WDTC1: variants seen among roughly 807,000 people sequenced by gnomAD.
The protein encoded by WDTC1 is WD and tetratricopeptide repeats protein 1.
In WDTC1, 12 loss-of-function variants were observed where a neutral mutation model predicts 76.0. The observed-to-expected ratio is 0.16, with a 90% confidence interval of 0.10 to 0.26. The LOEUF is 0.26. Ranked by LOEUF, WDTC1 falls within the 10% of genes least tolerant of loss-of-function variation. WDTC1 has a pLI of 1.00. For synonymous variants in WDTC1, 326 were observed against 350.8 expected, an observed-to-expected ratio of 0.93 and a Z score of 0.79; for missense variants, 511 against 908.8, an observed-to-expected ratio of 0.56 and a Z score of 5.63.
chr1:27,248,626 A>G (rs1316671058), intron 1 of WDTC1, among the ~76,000 whole-genome samples: 4 of 152,044 alleles, frequency 2.6e-5, no homozygotes, highest in African/African-American at 4.8e-5. Flanking sequence ...TAAAATGATT[A>G]GTTTCATCTT....
At chr1:27,297,348 G>A (rs1250714721) in intron 11 of WDTC1, among the ~76,000 whole-genome samples, 192 bp downstream of exon 11, 3 of 152,228 alleles carry the variant, frequency 2.0e-5, no homozygotes, top group African/African-American at 4.8e-5. Context: ...CAGAACACTA[G>A]TCATGGTCAG....
intron 4 of WDTC1, 30 bp downstream of exon 4, chr1:27,282,315 G>A (rs2013211133): frequency 6.2e-7 from 1 of 1,611,654 alleles, no homozygotes; most frequent in African/African-American, 1.3e-5. Context: ...CCTGAAGGGT[G>A]CTGGGGAAGG....
intron 6 of WDTC1, among the ~76,000 whole-genome samples, chr1:27,288,449 T>G (rs896192035): frequency 5.3e-4 from 81 of 152,154 alleles, no homozygotes; most frequent in Middle Eastern, 3.4e-3. Context: ...GTCAGCAGAT[T>G]AACAAGTGAA....
At chr1:27,277,650 A>G (rs74735032) in intron 3 of WDTC1, among the ~76,000 whole-genome samples, 5,372 of 152,252 alleles carry the variant, frequency 0.035, 136 homozygotes, top group Middle Eastern at 0.051. Flanking sequence ...GGATGTATTT[A>G]TGAACTCTCA....
At chr1:27,295,349 G>A (rs2013654540) in intron 9 of WDTC1, among the ~76,000 whole-genome samples, 1 of 152,212 alleles carries the variant, frequency 6.6e-6, no homozygotes, top group African/African-American at 2.4e-5. Flanking sequence ...AGACATTCCT[G>A]GACCTGTCCA....
At chr1:27,246,200 T>G (rs1266050715) in intron 1 of WDTC1, among the ~76,000 whole-genome samples, 1 of 152,240 alleles carries the variant, frequency 6.6e-6, no homozygotes, top group African/African-American at 2.4e-5. Context: ...CAAAACATTT[T>G]CATCACCTAA....
chr1:27,303,961 T>C lies in WDTC1; in HGVS notation c.1643+166T>C, dbSNP rs1570990956. On this transcript the variant is annotated intron_variant, in intron 14 of 15. Coordinates refer to ENST00000319394, the MANE Select transcript of WDTC1 (RefSeq NM_001276252.2). The surrounding 1 kb of genome is among the most constrained non-coding windows in gnomAD (Gnocchi z 4.8). Reference sequence around the variant, plus strand: ...TCAGCCTCTAAAGTTTTTTAATCTATGAAATGACCAACCTGCCATGCCCAT... The same window carrying C: ...TCAGCCTCTAAAGTTTTTTAATCTACGAAATGACCAACCTGCCATGCCCAT... The C allele has an allele frequency of 6.8e-6, 6 of 884,470 alleles. No homozygotes were observed. The highest frequency in any genetic ancestry group is 8.5e-6 in the Non-Finnish European group (5 of 590,098). 54.8% of individuals were successfully genotyped at this position (884,470 alleles called of 1,614,324 possible).
Position 27,303,539 on chromosome 1 carries a change from GA to G in WDTC1, c.1469-78del. The G allele has an allele frequency of 6.7e-7, 1 of 1,487,860 alleles. No individual in the cohort carries two copies. Among genetic ancestry groups the G allele is most frequent in the Non-Finnish European group, 8.9e-7 (1 of 1,121,622 alleles). The allele number at this position is 1,487,860 out of a possible 1,614,324, so 92.2% of individuals were successfully genotyped here. A position where few individuals can be genotyped will look rare whatever the true frequency, so the allele number is the denominator to read the frequency against. ...GCTCTATGTTGTCAGACTTTGGACT[GA>G]AAACAGAGCCATAGGTGGGGGAAAA... On this transcript the variant is annotated intron_variant, in intron 13 of 15. Transcript: ENST00000319394. The surrounding 1 kb of genome is among the most constrained non-coding windows in gnomAD (Gnocchi z 4.8).
chr1:27,251,931 C>G (rs2012079213), intron 1 of WDTC1, among the ~76,000 whole-genome samples: 1 of 151,982 alleles, frequency 6.6e-6, no homozygotes, highest in Non-Finnish European at 1.5e-5. Flanking sequence ...ATCTGTAATC[C>G]CAGCTACTTG....
chr1:27,282,297 C>G lies in WDTC1; in HGVS notation c.179+12C>G. ...AATGAGAAAGGAGAGTAAGTATGAGCTAGAGCACCTGAAGGGTGCTGGGGA... is the reference window on the plus strand; with the variant it reads ...AATGAGAAAGGAGAGTAAGTATGAGGTAGAGCACCTGAAGGGTGCTGGGGA... On this transcript the variant is annotated intron_variant, in intron 4 of 15. Coordinates refer to ENST00000319394, the MANE Select transcript of WDTC1 (RefSeq NM_001276252.2). The G allele has an allele frequency of 3.7e-6, 6 of 1,613,426 alleles. No homozygotes were observed. The highest frequency in any genetic ancestry group is 5.1e-6 in the Non-Finnish European group (6 of 1,179,532).
At chr1:27,258,940 T>C (rs1017061487) in intron 1 of WDTC1, among the ~76,000 whole-genome samples, 5 of 152,116 alleles carry the variant, frequency 3.3e-5, no homozygotes, top group African/African-American at 9.7e-5. Context: ...AGGGCCATCA[T>C]TGGGAAGAAA....
intron 3 of WDTC1, among the ~76,000 whole-genome samples, chr1:27,272,876 C>T (rs2012910440): frequency 6.6e-6 from 1 of 151,940 alleles, no homozygotes; most frequent in Non-Finnish European, 1.5e-5. Context: ...ACCATTACAC[C>T]CCAGCCTGGG....
intron 1 of WDTC1, among the ~76,000 whole-genome samples, chr1:27,246,787 C>T (rs1300391731): frequency 6.6e-6 from 1 of 150,724 alleles, no homozygotes; most frequent in Non-Finnish European, 1.5e-5. Context: ...GTCTTGAACT[C>T]CTGACCTCAG....
chr1:27,294,618 G>C lies in WDTC1; in HGVS notation c.862G>C (p.Gly288Arg). The C allele has an allele frequency of 6.2e-7, 1 of 1,613,896 alleles. No homozygotes were observed. Among genetic ancestry groups the C allele is most frequent in the Non-Finnish European group, 8.5e-7 (1 of 1,179,854 alleles). Residue 288 changes from glycine to arginine, a missense_variant, in exon 9 of 16, where the codon GGG becomes CGG. Transcript: ENST00000319394. ...TGGCACAGAGCTACTAGTCAACATG[G>C]GGGGGGAACAGGTATGTACAGCATA... Reference protein sequence around the residue: ...PNGTELLVNMGGEQVYLFDLT... With the variant: ...PNGTELLVNMRGEQVYLFDLT...
At chr1:27,251,225 C>A (rs1333687868) in intron 1 of WDTC1, among the ~76,000 whole-genome samples, 1 of 151,156 alleles carries the variant, frequency 6.6e-6, no homozygotes, top group African/African-American at 2.4e-5. Flanking sequence ...CCTTTAAAAT[C>A]ATAGAGATAG....
rs541172810 is a variant in WDTC1 at position 27,279,678 on chromosome 1, C to T, written c.133-2561C>T. On this transcript the variant is annotated intron_variant, in intron 3 of 15. Transcript: ENST00000319394. ...ACCTCCCGGATTCAAGTGATCCTCACACCTTAGCCTCCCCAGTAGCTGGGA... is the reference window on the plus strand; with the variant it reads ...ACCTCCCGGATTCAAGTGATCCTCATACCTTAGCCTCCCCAGTAGCTGGGA... Among the ~76,000 whole-genome samples the T allele has an allele frequency of 2.2e-4, 34 of 152,196 alleles. No individual in the cohort carries two copies. In the South Asian group the frequency reaches 6.8e-3, roughly 31 times the overall value.
At chr1:27,263,041 T>C in intron 2 of WDTC1, 111 bp from the exon 3 acceptor site, 2 of 1,109,944 alleles carry the variant, frequency 1.8e-6, no homozygotes, top group Non-Finnish European at 2.6e-6. Flanking sequence ...AGTTCCTTGT[T>C]GTCTTCTTTA....
intron 10 of WDTC1, 109 bp from the exon 11 acceptor site, chr1:27,296,939 G>A: frequency 1.0e-6 from 1 of 962,374 alleles, no homozygotes; most frequent in South Asian, 1.4e-5. Flanking sequence ...TGGGAGAACA[G>A]TCCCACGATG....
intron 5 of WDTC1, among the ~76,000 whole-genome samples, chr1:27,284,186 T>C (rs553338190): frequency 1.3e-3 from 195 of 152,304 alleles, no homozygotes; most frequent in Non-Finnish European, 2.3e-3. Flanking sequence ...AAGAACTGTC[T>C]AATGCTTAGA....
Sources: gnomAD v4.1 joint callset for allele counts (sites outside exome capture counted in the v4.1 genomes callset) on GRCh38, gnomAD v4.1.1 for gene constraint, Gnocchi (gnomAD v3.1) non-coding constraint, MANE v1.5 for transcripts, NCBI Gene and HGNC (gene_info 2026-07-23, HGNC 2026-07-21) for gene names.